PRELID3A: variants seen among roughly 807,000 people sequenced by gnomAD.
The protein encoded by PRELID3A is PRELI domain containing 3A, also known as PRELI domain containing protein 3A.
A neutral mutation model predicts 23.0 loss-of-function variants in PRELID3A; 27 were observed. The ratio of observed to expected loss-of-function variants is 1.17; its 90% CI spans 0.87 to 1.62. The LOEUF (loss-of-function observed/expected upper bound fraction) is 1.62. PRELID3A is among the 40% of genes most tolerant of loss of function. The probability of loss-of-function intolerance (pLI) is 0.00; values close to 1 mark genes in which losing one functional copy is unlikely to be tolerated. For missense variants in PRELID3A, 231 were observed against 231.4 expected (o/e 1.00, Z 0.01); for synonymous variants, 87 against 86.4 (o/e 1.01, Z -0.04).
In PRELID3A at chr18:12,408,038, C is replaced by G. The variant is rs202082400; in HGVS notation, c.32+31C>G. On this transcript the variant is annotated intron_variant, in intron 1 of 6. Transcript: ENST00000440960. ...GCCGGGCTGAGGGCCGCGGTGGGGC[C>G]GTCCAGACGCCGGCTCCTGCTCCCG... 6,831 of 1,249,034 alleles carry G rather than the reference C, an allele frequency of 5.5e-3. 64 individuals are homozygous for G. Among genetic ancestry groups the G allele is most frequent in the South Asian group, 0.031 (937 of 30,122 alleles). 77.4% of individuals were successfully genotyped at this position (1,249,034 alleles called of 1,614,324 possible).
Position 12,420,316 on chromosome 18 carries a change from TC to T in PRELID3A, c.33-5del, listed in dbSNP as rs1463751607. Reference sequence around the variant, plus strand: ...CGCTTGCTCACCGCCGCCTATGCTCTCCCCGCAGCCACCCGTGGGACACGGT... The same window carrying T: ...CGCTTGCTCACCGCCGCCTATGCTCTCCCGCAGCCACCCGTGGGACACGGT... On this transcript the variant is annotated splice_polypyrimidine_tract_variant and splice_region_variant and intron_variant, in intron 1 of 6. Transcript: ENST00000440960. The T allele has an allele frequency of 6.2e-7, 1 of 1,600,282 alleles. No individual in the cohort carries two copies. Among genetic ancestry groups the T allele is most frequent in the Admixed American group, 1.7e-5 (1 of 58,268 alleles).
chr18:12,429,573 G>A (rs1021279155), intron 6 of PRELID3A, 137 bp downstream of exon 6: 12 of 577,654 alleles, frequency 2.1e-5, no homozygotes, highest in Admixed American at 3.1e-5. Flanking sequence ...AGTTTTCCAC[G>A]GTGACACAGA....
chr18:12,409,159 G>GTTTTTTTT lies in PRELID3A; in HGVS notation c.32+1170_32+1177dup, dbSNP rs71371255. 3.8e-4 allele frequency among the ~76,000 whole-genome samples: 25 copies of GTTTTTTTT among 66,486 alleles called. 2 individuals carry two copies. Among genetic ancestry groups the GTTTTTTTT allele is most frequent in the Admixed American group, 7.8e-4 (3 of 3,828 alleles). The allele number at this position is 66,486 out of a possible 152,430, so 43.6% of individuals were successfully genotyped here. On this transcript the variant is annotated intron_variant, in intron 1 of 6. Coordinates refer to ENST00000440960, the MANE Select transcript of PRELID3A (RefSeq NM_001142405.2). ...AGTCTCATTCTGTCACCCAGGCTGG[G>GTTTTTTTT]TTTTTTTTTTTTTTTTTTTTTTTTT... is the stretch of plus-strand genomic sequence containing the variant.
intron 1 of PRELID3A, among the ~76,000 whole-genome samples, chr18:12,415,846 C>T (rs2029934147): frequency 6.6e-6 from 1 of 152,158 alleles, no homozygotes; most frequent in African/African-American, 2.4e-5. Context: ...TCCCTTAGCC[C>T]GCCAGGCAGA....
intron 5 of PRELID3A, among the ~76,000 whole-genome samples, chr18:12,429,118 A>G (rs1197344412): frequency 6.6e-6 from 1 of 152,162 alleles, no homozygotes; most frequent in Non-Finnish European, 1.5e-5. Context: ...TATTGAGCTA[A>G]GCCGGGCGCT....
intron 1 of PRELID3A, among the ~76,000 whole-genome samples, chr18:12,413,949 G>A (rs2029877952): frequency 6.6e-6 from 1 of 152,224 alleles, no homozygotes; most frequent in Non-Finnish European, 1.5e-5. Context: ...TTTCCTTGAA[G>A]CACAGGCTTA....
intron 1 of PRELID3A, chr18:12,420,059 A>G (rs1490786433): frequency 7.3e-6 from 9 of 1,239,750 alleles, no homozygotes; most frequent in Non-Finnish European, 9.6e-6. Context: ...CCCTGATGGC[A>G]CCACTGCATT....
chr18:12,427,365 G>T, intron 5 of PRELID3A, 42 bp downstream of exon 5: 1 of 1,358,976 alleles, frequency 7.4e-7, no homozygotes, highest in Non-Finnish European at 1.0e-6. Flanking sequence ...TGCTCTAGTT[G>T]TTAAGTGCCA....
At chr18:12,410,586 C>G (rs1909875292) in intron 1 of PRELID3A, 1 of 152,164 alleles carries the variant, frequency 6.6e-6, no homozygotes, top group Admixed American at 6.6e-5. Flanking sequence ...TCCATTGAAA[C>G]CCCTGATTTT....
At chr18:12,414,158 C>T (rs1191699923) in intron 1 of PRELID3A, among the ~76,000 whole-genome samples, 1 of 151,622 alleles carries the variant, frequency 6.6e-6, no homozygotes, top group Non-Finnish European at 1.5e-5. Context: ...GGGACTTGGG[C>T]CGCAGCAGCA....
intron 1 of PRELID3A, among the ~76,000 whole-genome samples, chr18:12,414,622 A>G (rs955020701): frequency 2.0e-5 from 3 of 152,094 alleles, no homozygotes. Flanking sequence ...GCTACTCGGG[A>G]AGCTGAGGCA....
Position 12,427,328 on chromosome 18 carries a change from G to A in PRELID3A, c.465+5G>A, listed in dbSNP as rs2030414585. 3 of 1,590,560 alleles carry A rather than the reference G, an allele frequency of 1.9e-6. No homozygotes were observed. The highest frequency in any genetic ancestry group is 2.6e-6 in the Non-Finnish European group (3 of 1,159,064). ...ATATCATCCAATGCAAAGAAGGTAT[G>A]TATCTCAATCCTAGGAGTCCTGTGT... is the stretch of plus-strand genomic sequence containing the variant. On this transcript the variant is annotated splice_donor_5th_base_variant and intron_variant, in intron 5 of 6. Coordinates refer to ENST00000440960, the MANE Select transcript of PRELID3A (RefSeq NM_001142405.2).
At chr18:12,420,299 C>T (rs771158173) in intron 1 of PRELID3A, 26 bp from the exon 2 acceptor site, 10 of 1,576,204 alleles carry the variant, frequency 6.3e-6, no homozygotes, top group Non-Finnish European at 8.6e-6. Context: ...GGCGCTTGCT[C>T]ACCGCCGCCT....
At chr18:12,423,687 A>G (rs1465070008) in intron 3 of PRELID3A, among the ~76,000 whole-genome samples, 1 of 152,204 alleles carries the variant, frequency 6.6e-6, no homozygotes, top group Non-Finnish European at 1.5e-5. Flanking sequence ...TCCCAGGGGC[A>G]GGCAGGGCTG....
intron 1 of PRELID3A, among the ~76,000 whole-genome samples, chr18:12,416,136 T>C (rs1255883082): frequency 6.6e-6 from 1 of 152,168 alleles, no homozygotes; most frequent in Non-Finnish European, 1.5e-5. Flanking sequence ...ATTTTCAGCT[T>C]CTCTGGGTAA....
intron 1 of PRELID3A, among the ~76,000 whole-genome samples, chr18:12,419,339 A>AAAAT (rs2030065988): frequency 2.1e-5 from 3 of 145,792 alleles, no homozygotes; most frequent in Non-Finnish European, 4.5e-5. Flanking sequence ...AAAAAAAAAA[A>AAAAT]AAAAGTTGGC....
In PRELID3A at chr18:12,417,832, G is replaced by C. The variant is rs990716218; in HGVS notation, c.33-2493G>C. Among the ~76,000 whole-genome samples the C allele has an allele frequency of 2.6e-5, 4 of 152,174 alleles. No homozygotes were observed. The South Asian group carries it at 8.3e-4, about 32-fold the overall frequency. The stretch of plus-strand genomic sequence containing the variant: ...AGAGTGATCAGGACCACCCAGTCTT[G>C]GCTTCTTCATCCCTCTCTTCTCTTT... On this transcript the variant is annotated intron_variant, in intron 1 of 6. Coordinates refer to ENST00000440960, the MANE Select transcript of PRELID3A (RefSeq NM_001142405.2).
At position 12,411,390 on chromosome 18, in the gene PRELID3A, C is replaced by T. The variant is rs1036779405; in HGVS notation, c.32+3383C>T. 7.9e-5 allele frequency among the ~76,000 whole-genome samples: 11 copies of T among 138,472 alleles called. No individual in the cohort carries two copies. The East Asian group carries it at 1.7e-3, about 21-fold the overall frequency. 90.8% of individuals were successfully genotyped at this position (138,472 alleles called of 152,430 possible). On this transcript the variant is annotated intron_variant, in intron 1 of 6. Transcript: ENST00000440960. The stretch of plus-strand genomic sequence containing the variant: ...CTGAGGCAGGAGAATGGCATGAACC[C>T]GGGAGGCAGAACTTGCAGTGAGCCG...
intron 1 of PRELID3A, among the ~76,000 whole-genome samples, chr18:12,419,682 G>A (rs1182302364): frequency 6.6e-6 from 1 of 152,048 alleles, no homozygotes; most frequent in Non-Finnish European, 1.5e-5. Context: ...GCTCACGCCT[G>A]TAATCTCAGC....
Sources: allele counts gnomAD v4.1 joint callset (sites outside exome capture counted in the v4.1 genomes callset), GRCh38; gene constraint gnomAD v4.1.1; transcripts MANE v1.5; gene names NCBI Gene and HGNC (gene_info 2026-07-23, HGNC 2026-07-21).